The following SIM1 variants were observed in gnomAD, a reference collection of about 807,000 sequenced individuals.
SIM1 encodes the protein single-minded homolog 1.
Under a neutral mutation model 78.2 loss-of-function variants are expected in SIM1, and 18 were observed. The ratio of observed to expected loss-of-function variants is 0.23; its 90% CI spans 0.16 to 0.34. The LOEUF (loss-of-function observed/expected upper bound fraction) is 0.34, where lower values mean the gene tolerates loss of function less well. SIM1 is among the 10% of genes least tolerant of loss of function. The probability of loss-of-function intolerance (pLI) is 1.00; values close to 1 mark genes in which losing one functional copy is unlikely to be tolerated. For synonymous variants in SIM1, 417 were observed against 385.2 expected (o/e 1.08, Z -0.97); for missense variants, 939 against 975.1 (o/e 0.96, Z 0.49).
chr6:100,412,532 G>C (rs1337365002), intron 10 of SIM1, among the ~76,000 whole-genome samples: 1 of 105,306 alleles, frequency 9.5e-6, no homozygotes. Context: ...GCAAGACTCT[G>C]TCTAAGAAAG....
At chr6:100,455,481 C>T (rs117168801) in intron 2 of SIM1, among the ~76,000 whole-genome samples, 1,983 of 152,374 alleles carry the variant, frequency 0.013, 20 homozygotes, top group Non-Finnish European at 0.02. Flanking sequence ...CCAACCTATT[C>T]TCCTTCGTTT....
chr6:100,412,737 AAGAAAG>A (rs1466741150), intron 10 of SIM1, among the ~76,000 whole-genome samples: 5 of 145,106 alleles, frequency 3.4e-5, no homozygotes, highest in African/African-American at 1.3e-4. Flanking sequence ...GAAAGAAAGA[AAGAAAG>A]AAAGAAAGAA....
intron 9 of SIM1, chr6:100,427,291 A>G (rs1411743682): frequency 1.3e-5 from 2 of 152,218 alleles, no homozygotes; most frequent in Non-Finnish European, 2.9e-5. Flanking sequence ...TGGAAATGTA[A>G]TAGTCTCATA....
intron 3 of SIM1, among the ~76,000 whole-genome samples, chr6:100,451,377 T>G (rs1772509237): frequency 6.6e-6 from 1 of 152,176 alleles, no homozygotes; most frequent in South Asian, 2.1e-4. Context: ...TCTGAGGTGA[T>G]GAATTTGGTG....
At chr6:100,445,049 C>A (rs1772320469) in intron 9 of SIM1, among the ~76,000 whole-genome samples, 1 of 152,146 alleles carries the variant, frequency 6.6e-6, no homozygotes, top group Non-Finnish European at 1.5e-5. Flanking sequence ...CCCTAAAAAA[C>A]AAATGTATGT....
chr6:100,424,399 T>G (rs1771670672), intron 9 of SIM1, among the ~76,000 whole-genome samples: 1 of 152,038 alleles, frequency 6.6e-6, no homozygotes, highest in Non-Finnish European at 1.5e-5. Flanking sequence ...ATTTCTTTTT[T>G]GTAACTCATA....
Position 100,453,820 on chromosome 6 carries a change from G to C in SIM1, c.200C>G (p.Ser67Ter). 6.2e-7 allele frequency: 1 copy of C among 1,612,504 alleles called. No homozygotes were observed. The highest frequency in any genetic ancestry group is 8.5e-7 in the Non-Finnish European group (1 of 1,179,274). Residue 67 changes from serine (S) to a stop codon, truncating the protein, a stop_gained, in exon 3 of 12, where the codon TCA (serine) becomes TGA (stop). Transcript: ENST00000369208. LOFTEE classifies it high-confidence loss of function. ...PEGLGEAWGH[S>*]SRTSPLDNVG... is the part of the protein sequence containing the mutation. ...GTTGTCCAGGGGGCTGGTCCGACTT[G>C]AGTGGCCCCACGCCTCGCCGAGCCC...
At chr6:100,437,752 CAGTGAAAAATAG>C (rs1344587986) in intron 9 of SIM1, among the ~76,000 whole-genome samples, 1 of 152,156 alleles carries the variant, frequency 6.6e-6, no homozygotes, top group Non-Finnish European at 1.5e-5. Flanking sequence ...TCAATGACAA[CAGTGAAAAATAG>C]AGTGAGCCTG....
intron 10 of SIM1, among the ~76,000 whole-genome samples, chr6:100,399,610 C>A (rs1770857758): frequency 6.6e-6 from 1 of 152,064 alleles, no homozygotes; most frequent in Admixed American, 6.5e-5. Flanking sequence ...AGTAAATGGG[C>A]ACTTTCTGTG....
At chr6:100,446,950 CTCTT>C (rs1414451992) in intron 9 of SIM1, among the ~76,000 whole-genome samples, 1 of 152,248 alleles carries the variant, frequency 6.6e-6, no homozygotes, top group African/African-American at 2.4e-5. Context: ...TCCTCTCTCT[CTCTT>C]TCTTTCTGCC....
intron 9 of SIM1, among the ~76,000 whole-genome samples, chr6:100,432,252 C>T (rs1299888581): frequency 6.6e-6 from 1 of 152,190 alleles, no homozygotes; most frequent in Non-Finnish European, 1.5e-5. Context: ...CTTCAGCACG[C>T]CTCGGAAGCA....
intron 3 of SIM1, 73 bp downstream of exon 3, chr6:100,453,689 C>A: frequency 8.9e-6 from 9 of 1,006,244 alleles, no homozygotes; most frequent in African/African-American, 1.7e-5. Context: ...TTCTGAGAAA[C>A]TAAAAGCTCA....
chr6:100,446,968 TTAAG>T (rs1442881909), intron 9 of SIM1, among the ~76,000 whole-genome samples: 1 of 152,204 alleles, frequency 6.6e-6, no homozygotes, highest in African/African-American at 2.4e-5. Flanking sequence ...TTCTGCCGCA[TTAAG>T]TTTTATTTAA....
chr6:100,419,805 C>A (rs1771517956), intron 10 of SIM1, among the ~76,000 whole-genome samples: 1 of 152,116 alleles, frequency 6.6e-6, no homozygotes, highest in Non-Finnish European at 1.5e-5. Context: ...CCACACCTGG[C>A]TAATTTTTGT....
rs893243679 is a variant in SIM1, at chr6:100,387,455, G to A, written c.*2906C>T. The A allele has an allele frequency of 2.0e-5, 3 of 152,014 alleles. No individual in the cohort carries two copies. Among genetic ancestry groups the A allele is most frequent in the Non-Finnish European group, 4.4e-5 (3 of 67,910 alleles). The allele number at this position is 152,014 out of a possible 1,614,324, so 9.4% of individuals were successfully genotyped here. A position where few individuals can be genotyped will look rare whatever the true frequency, so the allele number is the denominator to read the frequency against. On this transcript the variant is annotated 3_prime_UTR_variant, in exon 12 of 12. Transcript: ENST00000369208. Reference sequence around the variant, plus strand: ...TAAACACATTTTAACACATTCACATGTATATTAAGAAAGTACATTGTCATC... The same window carrying A: ...TAAACACATTTTAACACATTCACATATATATTAAGAAAGTACATTGTCATC...
rs1485524457 is a variant in SIM1, at chr6:100,420,886, G to C, written c.1071C>G (p.Thr357=). ...CAGTCATGGTGGGGGTGGAGCTGCTGGTATAGGAGAAGGCTGGTTTGGAGG... is the reference window on the plus strand; with the variant it reads ...CAGTCATGGTGGGGGTGGAGCTGCTCGTATAGGAGAAGGCTGGTTTGGAGG... ...ISASKPAFSY[T]SSSTPTMTDN... is the part of the protein sequence containing the mutation. The change falls in exon 10 of 12, where the codon ACC becomes ACG. Residue 357 remains threonine, a synonymous_variant. Transcript: ENST00000369208. The C allele has an allele frequency of 1.9e-6, 3 of 1,613,980 alleles. No homozygotes were observed. The highest frequency in any genetic ancestry group is 2.5e-6 in the Non-Finnish European group (3 of 1,179,958).
chr6:100,399,417 G>A (rs941518821), intron 10 of SIM1, among the ~76,000 whole-genome samples: 4 of 152,052 alleles, frequency 2.6e-5, no homozygotes, highest in African/African-American at 7.2e-5. Context: ...GAACAAATTA[G>A]TGCTTGCTAG....
In SIM1 at chr6:100,385,612, T is replaced by C. The variant is rs796196561; in HGVS notation, c.*4749A>G. ...AAGTTGCAATAAACAAAACTACAAA[T>C]GTTTGGTTTAAAATTAGCAATTAGG... is the stretch of plus-strand genomic sequence containing the variant. On this transcript the variant is annotated 3_prime_UTR_variant, in exon 12 of 12. Transcript: ENST00000369208. 9.9e-5 allele frequency: 15 copies of C among 151,940 alleles called. No individual in the cohort carries two copies. The highest frequency in any genetic ancestry group is 3.6e-4 in the African/African-American group (15 of 41,446). 9.4% of individuals were successfully genotyped at this position (151,940 alleles called of 1,614,324 possible).
At chr6:100,450,731 C>CACAG (rs60726943) in intron 3 of SIM1, among the ~76,000 whole-genome samples, 1 of 146,876 alleles carries the variant, frequency 6.8e-6, no homozygotes, top group Non-Finnish European at 1.5e-5. Context: ...CACACACACA[C>CACAG]AGTTCTAGGG....
Sources: gnomAD v4.1 joint callset for allele counts (sites outside exome capture counted in the v4.1 genomes callset) on GRCh38, gnomAD v4.1.1 for gene constraint, MANE v1.5 for transcripts, NCBI Gene and HGNC (gene_info 2026-07-23, HGNC 2026-07-21) for gene names.